MACO1: variants seen among roughly 807,000 people sequenced by gnomAD.
MACO1 encodes the protein macoilin 1.
A neutral mutation model predicts 78.7 loss-of-function variants in MACO1; 14 were observed. That is an observed-to-expected ratio of 0.18 (90% confidence interval 0.12 to 0.28). MACO1 has a LOEUF of 0.28. MACO1 is among the 10% of genes least tolerant of loss of function. MACO1 has a pLI of 1.00. For missense variants in MACO1, 501 were observed against 799.0 expected (o/e 0.63, Z 4.50); for synonymous variants, 288 against 291.6 (o/e 0.99, Z 0.12).
intron 8 of MACO1, among the ~76,000 whole-genome samples, chr1:25,486,134 T>A (rs1345554591): frequency 1.3e-5 from 2 of 152,222 alleles, no homozygotes; most frequent in Non-Finnish European, 2.9e-5. Flanking sequence ...TATCTGGAAG[T>A]TCGTTCCCTT....
intron 3 of MACO1, among the ~76,000 whole-genome samples, chr1:25,449,980 C>T (rs551049482): frequency 2.6e-5 from 4 of 152,330 alleles, no homozygotes; most frequent in East Asian, 3.9e-4. Context: ...GACTGCGCCA[C>T]TGCACTCCAG....
chr1:25,475,202 G>A lies in MACO1; in HGVS notation c.1155-8914G>A, dbSNP rs189451043. On this transcript the variant is annotated intron_variant, in intron 6 of 10. Transcript: ENST00000374343. Reference sequence around the variant, plus strand: ...TACTAAAAATACAAAAAAATTAGCCGGGCAAGGTGGCGGGTGCCTGTAGTC... The same window carrying A: ...TACTAAAAATACAAAAAAATTAGCCAGGCAAGGTGGCGGGTGCCTGTAGTC... Among the ~76,000 whole-genome samples the A allele has an allele frequency of 5.7e-3, 862 of 152,000 alleles. 7 individuals are homozygous for A. Among genetic ancestry groups the A allele is most frequent in the African/African-American group, 0.018 (729 of 41,482 alleles).
At chr1:25,453,523 C>T (rs1341307945) in intron 3 of MACO1, among the ~76,000 whole-genome samples, 4 of 150,858 alleles carry the variant, frequency 2.7e-5, no homozygotes, top group East Asian at 4.0e-4. Flanking sequence ...ATTAGCCGGT[C>T]GTGGTGGTGG....
intron 1 of MACO1, among the ~76,000 whole-genome samples, chr1:25,434,102 G>A (rs1236013540): frequency 2.0e-5 from 3 of 152,080 alleles, no homozygotes; most frequent in Admixed American, 6.6e-5. Flanking sequence ...ATTCTGTTTC[G>A]GGGTGAGATG....
intron 10 of MACO1, among the ~76,000 whole-genome samples, chr1:25,493,727 C>CTTTTTTTTTTTTTT (rs1189775109): frequency 6.5e-5 from 6 of 92,064 alleles, no homozygotes; most frequent in Non-Finnish European, 1.2e-4. Context: ...TAGTTTGATT[C>CTTTTTTTTTTTTTT]TTTTTTTTTT....
intron 9 of MACO1, 33 bp from the exon 10 acceptor site, chr1:25,491,377 C>G: frequency 6.2e-7 from 1 of 1,612,114 alleles, no homozygotes; most frequent in Non-Finnish European, 8.5e-7. Context: ...CCAAAACTAC[C>G]TTGTAGCATT....
intron 6 of MACO1, among the ~76,000 whole-genome samples, chr1:25,473,350 G>A (rs1294051468): frequency 6.6e-6 from 1 of 152,124 alleles, no homozygotes; most frequent in Non-Finnish European, 1.5e-5. Flanking sequence ...TAGAAACTAG[G>A]CATAAGTGAA....
At chr1:25,487,660 T>C (rs973045866) in intron 8 of MACO1, among the ~76,000 whole-genome samples, 7 of 152,200 alleles carry the variant, frequency 4.6e-5, no homozygotes, top group Admixed American at 2.0e-4. Flanking sequence ...ATTTTTCTGT[T>C]TACTCCAGTC....
At chr1:25,483,284 C>G (rs1181662030) in intron 6 of MACO1, among the ~76,000 whole-genome samples, 1 of 152,196 alleles carries the variant, frequency 6.6e-6, no homozygotes, top group Non-Finnish European at 1.5e-5. Context: ...CTCCTGACCT[C>G]AGGTGATCCG....
intron 6 of MACO1, among the ~76,000 whole-genome samples, chr1:25,476,716 G>A (rs2043324171): frequency 6.6e-6 from 1 of 152,200 alleles, no homozygotes; most frequent in Admixed American, 6.5e-5. Context: ...ATGTGTACCA[G>A]GGGAACTCCT....
chr1:25,431,727 T>C (rs888148429), intron 1 of MACO1, among the ~76,000 whole-genome samples: 10 of 152,168 alleles, frequency 6.6e-5, no homozygotes, highest in African/African-American at 2.4e-4. Context: ...TTCTTTCACC[T>C]TCTGCTTCCC....
In MACO1 at chr1:25,485,707, G is replaced by T. The variant is rs755342701; in HGVS notation, c.1408G>T (p.Val470Leu). ...LKAEQEARSFVEKQLMEEKKR... is the reference protein window; with the variant it reads ...LKAEQEARSFLEKQLMEEKKR... The stretch of plus-strand genomic sequence containing the variant: ...AGCTGAGCAGGAAGCCCGAAGTTTT[G>T]TAGAGAAACAGTTAATGGAAGAGAA... The change falls in exon 8 of 11, where the codon GTA (valine) becomes TTA (leucine). Residue 470 changes from valine (V) to leucine (L), a missense_variant. Physicochemically the swap from Val to Leu is conservative, Grantham distance 32. Coordinates refer to ENST00000374343, the MANE Select transcript of MACO1 (RefSeq NM_018202.6). This position sits in a 1 kb window ranked among gnomAD's most constrained non-coding sequence, Gnocchi z 4.3. 3.1e-6 allele frequency: 5 copies of T among 1,614,146 alleles called. No homozygotes were observed. Among genetic ancestry groups the T allele is most frequent in the Non-Finnish European group, 4.2e-6 (5 of 1,180,026 alleles).
At position 25,485,225 on chromosome 1, in the gene MACO1, TG is replaced by T. The variant is rs2043418939; in HGVS notation, c.1314-384del. Among the ~76,000 whole-genome samples the T allele has an allele frequency of 6.6e-6, 1 of 152,214 alleles. No homozygotes were observed. Among genetic ancestry groups the T allele is most frequent in the African/African-American group, 2.4e-5 (1 of 41,452 alleles). On this transcript the variant is annotated intron_variant, in intron 7 of 10. Coordinates refer to ENST00000374343, the MANE Select transcript of MACO1 (RefSeq NM_018202.6). This position sits in a 1 kb window ranked among gnomAD's most constrained non-coding sequence, Gnocchi z 4.3. ...TTTCCACCCCTTACCTTAGTTTCAC[TG>T]GGGCTGGTCCCATCAGTGGTTCTTT...
chr1:25,493,868 G>T (rs970347801), intron 10 of MACO1, among the ~76,000 whole-genome samples: 1 of 151,834 alleles, frequency 6.6e-6, no homozygotes, highest in Non-Finnish European at 1.5e-5. Flanking sequence ...GAGTAGCTGG[G>T]ACTACGGCGC....
intron 2 of MACO1, among the ~76,000 whole-genome samples, chr1:25,447,482 G>A (rs549228787): frequency 3.3e-5 from 5 of 152,266 alleles, no homozygotes; most frequent in South Asian, 2.1e-4. Context: ...CCCATTACAC[G>A]TTAATAGAAA....
At chr1:25,491,705 G>A (rs1431351741) in intron 10 of MACO1, 121 bp downstream of exon 10, 12 of 725,090 alleles carry the variant, frequency 1.7e-5, no homozygotes, top group Admixed American at 5.7e-5. Flanking sequence ...CAAGAGTCTT[G>A]GTAAGTGCCC....
At chr1:25,497,345 A>C (rs2124616479) in intron 10 of MACO1, among the ~76,000 whole-genome samples, 1 of 150,376 alleles carries the variant, frequency 6.6e-6, no homozygotes, top group East Asian at 2.0e-4. Flanking sequence ...TCGCCACTGC[A>C]CTTCAGCCTG....
intron 6 of MACO1, among the ~76,000 whole-genome samples, chr1:25,459,634 C>T (rs562880523): frequency 6.6e-6 from 1 of 152,046 alleles, no homozygotes; most frequent in South Asian, 2.1e-4. Flanking sequence ...GCCGCCACGC[C>T]AGGCTAATTT....
At chr1:25,443,514 G>T (rs1217105988) in intron 1 of MACO1, among the ~76,000 whole-genome samples, 1 of 152,164 alleles carries the variant, frequency 6.6e-6, no homozygotes, top group African/African-American at 2.4e-5. Flanking sequence ...GGGTGTCAAG[G>T]AACATCAAAG....
Sources: gnomAD v4.1 joint callset for allele counts (sites outside exome capture counted in the v4.1 genomes callset) on GRCh38, gnomAD v4.1.1 for gene constraint, Gnocchi (gnomAD v3.1) non-coding constraint, MANE v1.5 for transcripts, NCBI Gene and HGNC (gene_info 2026-07-23, HGNC 2026-07-21) for gene names.